SLC24A2: variants seen among roughly 807,000 people sequenced by gnomAD.
SLC24A2 encodes the protein solute carrier family 24 member 2.
SLC24A2 carries 36 observed loss-of-function variants against 62.0 expected under a neutral mutation model. The ratio of observed to expected loss-of-function variants is 0.58; its 90% CI spans 0.44 to 0.77. The LOEUF is 0.77. Among genes scored for constraint, SLC24A2 ranks in the 30% least tolerant of loss-of-function variants. The pLI is 0.00. For missense variants in SLC24A2, 846 were observed against 817.9 expected (o/e 1.03, Z -0.42); for synonymous variants, 358 against 294.0 (o/e 1.22, Z -2.23).
At chr9:19,561,082 C>T (rs1345859825) in intron 7 of SLC24A2, among the ~76,000 whole-genome samples, 1 of 151,944 alleles carries the variant, frequency 6.6e-6, no homozygotes. Context: ...CCAGCCACCA[C>T]ACCTGGCTAA....
chr9:19,852,484 G>C, the SLC24A2 span, among the ~76,000 whole-genome samples: 11 of 152,172 alleles, frequency 7.2e-5, no homozygotes, highest in East Asian at 2.1e-3. Context: ...TCCATCTTGA[G>C]TTATTTTTTA....
chr9:20,238,328 G>A, the SLC24A2 span, among the ~76,000 whole-genome samples: 1 of 152,162 alleles, frequency 6.6e-6, no homozygotes, highest in Non-Finnish European at 1.5e-5. Flanking sequence ...GCACAGTAAA[G>A]CCAAAAACTC....
chr9:20,257,088 G>A, the SLC24A2 span, among the ~76,000 whole-genome samples: 1 of 152,140 alleles, frequency 6.6e-6, no homozygotes, highest in African/African-American at 2.4e-5. Context: ...TCGTGTAAAT[G>A]AGAGGCACTA....
chr9:19,517,660 A>T (rs1832994902), intron 10 of SLC24A2, among the ~76,000 whole-genome samples: 1 of 152,104 alleles, frequency 6.6e-6, no homozygotes, highest in Non-Finnish European at 1.5e-5. Context: ...GAGTCTGGCC[A>T]GGAGGTGCTT....
In SLC24A2 at chr9:19,512,892, C is replaced by T. The variant is rs376299751; in HGVS notation, c.*3261G>A. 6.6e-6 allele frequency: 1 copy of T among 151,848 alleles called. No homozygotes were observed. The highest frequency in any genetic ancestry group is 2.1e-4 in the South Asian group (1 of 4,798). The allele number at this position is 151,848 out of a possible 1,614,324, so 9.4% of individuals were successfully genotyped here. On this transcript the variant is annotated 3_prime_UTR_variant, in exon 11 of 11. Transcript: ENST00000341998. ...ATATCAGCATTAGGGATATGGCTGA[C>T]CGATTTCCTTAAGGCTATAAATTGA... is the stretch of plus-strand genomic sequence containing the variant.
At chr9:19,950,005 C>T in the SLC24A2 span, among the ~76,000 whole-genome samples, 2 of 152,146 alleles carry the variant, frequency 1.3e-5, no homozygotes, top group African/African-American at 4.8e-5. Flanking sequence ...GTATAATTCG[C>T]ATTTAAAAAA....
chr9:19,842,194 A>C, the SLC24A2 span, among the ~76,000 whole-genome samples: 1 of 152,224 alleles, frequency 6.6e-6, no homozygotes, highest in Non-Finnish European at 1.5e-5. Context: ...CACCGCATCC[A>C]AGGACCCTCA....
the SLC24A2 span, among the ~76,000 whole-genome samples, chr9:20,293,723 G>A: frequency 6.6e-6 from 1 of 152,134 alleles, no homozygotes; most frequent in South Asian, 2.1e-4. Flanking sequence ...AACTCCAGAG[G>A]TTGTCAAGAA....
the SLC24A2 span, among the ~76,000 whole-genome samples, chr9:19,820,082 T>TAC: frequency 2.1e-4 from 28 of 133,614 alleles, no homozygotes; most frequent in African/African-American, 7.1e-4. Flanking sequence ...TATATATATA[T>TAC]ACAATGGAAT....
At chr9:19,756,358 GAGA>G (rs1362135480) in intron 2 of SLC24A2, among the ~76,000 whole-genome samples, 1 of 152,188 alleles carries the variant, frequency 6.6e-6, no homozygotes, top group Admixed American at 6.5e-5. Flanking sequence ...AAGGGACTCT[GAGA>G]AGAAGAGAAT....
the SLC24A2 span, among the ~76,000 whole-genome samples, chr9:20,176,215 T>C: frequency 3.9e-5 from 6 of 152,066 alleles, no homozygotes; most frequent in Non-Finnish European, 7.4e-5. Flanking sequence ...GGCTTAAAAA[T>C]GAAATAGTGA....
chr9:20,134,314 T>G, the SLC24A2 span, among the ~76,000 whole-genome samples: 1 of 152,194 alleles, frequency 6.6e-6, no homozygotes, highest in Admixed American at 6.5e-5. Context: ...GGATTTTTGT[T>G]GTTGTCATTT....
intron 2 of SLC24A2, among the ~76,000 whole-genome samples, chr9:19,723,096 T>G (rs1047196645): frequency 6.6e-6 from 1 of 152,134 alleles, no homozygotes; most frequent in Non-Finnish European, 1.5e-5. Context: ...ATCATCAACA[T>G]TTAAAGACCT....
At chr9:19,586,633 T>C (rs1046095682) in intron 5 of SLC24A2, among the ~76,000 whole-genome samples, 7 of 152,064 alleles carry the variant, frequency 4.6e-5, no homozygotes, top group East Asian at 1.9e-4. Context: ...TCAGATGTAA[T>C]TGGCATTTTA....
the SLC24A2 span, among the ~76,000 whole-genome samples, chr9:20,007,524 T>C: frequency 6.6e-6 from 1 of 152,166 alleles, no homozygotes; most frequent in African/African-American, 2.4e-5. Context: ...TATATATGTA[T>C]ATAAATTCAT....
chr9:20,148,017 A>G, the SLC24A2 span, among the ~76,000 whole-genome samples: 4 of 152,036 alleles, frequency 2.6e-5, no homozygotes, highest in African/African-American at 4.8e-5. Context: ...AATCAGTCTA[A>G]AGAATCTCCT....
At chr9:20,281,225 C>T in the SLC24A2 span, among the ~76,000 whole-genome samples, 2 of 152,142 alleles carry the variant, frequency 1.3e-5, no homozygotes, top group Admixed American at 1.3e-4. Flanking sequence ...CCACCATGCC[C>T]AGCCCAAGCA....
the SLC24A2 span, among the ~76,000 whole-genome samples, chr9:20,102,285 ATACACCACAGAATAC>A: frequency 6.6e-6 from 1 of 152,018 alleles, no homozygotes; most frequent in African/African-American, 2.4e-5. Context: ...TGTGGCACAT[ATACACCACAGAATAC>A]TATGCAGCCA....
chr9:19,905,361 G>T, the SLC24A2 span, among the ~76,000 whole-genome samples: 10 of 151,084 alleles, frequency 6.6e-5, no homozygotes, highest in Admixed American at 5.9e-4. Context: ...ATGCAATGTT[G>T]CACATTTTGT....
Sources: gnomAD v4.1 joint callset for allele counts (sites outside exome capture counted in the v4.1 genomes callset) on GRCh38, gnomAD v4.1.1 for gene constraint, MANE v1.5 for transcripts, NCBI Gene and HGNC (gene_info 2026-07-23, HGNC 2026-07-21) for gene names.